Variants in C5orf63 observed in about 807,000 individuals in gnomAD.
The protein encoded by C5orf63 is glutaredoxin-like protein C5orf63.
In C5orf63, 18 loss-of-function variants were observed where a neutral mutation model predicts 13.3. The ratio of observed to expected loss-of-function variants is 1.36; its 90% CI spans 0.94 to 2.01. The LOEUF is 2.01. Ranked by LOEUF, C5orf63 falls within the 30% of genes most tolerant of loss-of-function variation. The pLI is 0.00. For synonymous variants in C5orf63, 38 were observed against 44.7 expected, an observed-to-expected ratio of 0.85 and a Z score of 0.60; for missense variants, 118 against 127.7, an observed-to-expected ratio of 0.92 and a Z score of 0.36.
At chr5:127,059,415 T>C (rs1183106412) in intron 2 of C5orf63, among the ~76,000 whole-genome samples, 2 of 152,100 alleles carry the variant, frequency 1.3e-5, no homozygotes, top group Non-Finnish European at 2.9e-5. Context: ...CAACAATACC[T>C]AGCCACTGCC....
At chr5:127,047,530 G>A, downstream of C5orf63, 1 of 575,746 alleles carries the variant, frequency 1.7e-6, no homozygotes, top group Non-Finnish European at 3.1e-6. Flanking sequence ...TCTGAAATAA[G>A]AATTGATGAG....
At chr5:127,065,303 A>G (rs1754285898) in intron 2 of C5orf63, among the ~76,000 whole-genome samples, 2 of 152,218 alleles carry the variant, frequency 1.3e-5, no homozygotes, top group Admixed American at 6.5e-5. Flanking sequence ...TAAGACATGT[A>G]TATGAGCAGG....
At chr5:127,058,076 G>T (rs1042140274) in intron 3 of C5orf63, among the ~76,000 whole-genome samples, 1 of 152,024 alleles carries the variant, frequency 6.6e-6, no homozygotes, top group East Asian at 1.9e-4. Flanking sequence ...TTAGGTTCGG[G>T]GGTACATGTG....
downstream of C5orf63, chr5:127,047,959 T>C (rs1333982973): frequency 9.3e-6 from 6 of 642,764 alleles, 1 homozygote; most frequent in East Asian, 1.6e-4. Context: ...AATGTTCTTA[T>C]TTCAGTGGTG....
downstream of C5orf63, chr5:127,047,870 A>T (rs1238610823): frequency 5.7e-6 from 4 of 703,288 alleles, no homozygotes; most frequent in Admixed American, 8.0e-5. Context: ...GAGGAAGGGG[A>T]GCGTCTTCTC....
chr5:127,062,926 T>C (rs1189585604), intron 2 of C5orf63, among the ~76,000 whole-genome samples: 8 of 152,148 alleles, frequency 5.3e-5, no homozygotes, highest in Non-Finnish European at 2.9e-5. Context: ...CATATTTTGT[T>C]ATATGCCTCT....
intron 3 of C5orf63, among the ~76,000 whole-genome samples, chr5:127,053,269 G>C (rs150266777): frequency 6.6e-6 from 1 of 152,252 alleles, no homozygotes; most frequent in African/African-American, 2.4e-5. Flanking sequence ...TCCACCTGAA[G>C]AGCAAACAAC....
At chr5:127,052,882 G>C (rs1320999082) in intron 3 of C5orf63, among the ~76,000 whole-genome samples, 2 of 151,954 alleles carry the variant, frequency 1.3e-5, no homozygotes, top group Non-Finnish European at 2.9e-5. Flanking sequence ...GCATTTTTTT[G>C]GTTGTTTTGT....
At chr5:127,054,408 C>A (rs947879686) in intron 3 of C5orf63, among the ~76,000 whole-genome samples, 56 of 152,174 alleles carry the variant, frequency 3.7e-4, no homozygotes, top group African/African-American at 1.2e-3. Flanking sequence ...TTGTTTCCTG[C>A]CTTTTTAATG....
chr5:127,050,379 CT>C (rs1183157202), downstream of C5orf63, among the ~76,000 whole-genome samples: 1 of 151,824 alleles, frequency 6.6e-6, no homozygotes, highest in Non-Finnish European at 1.5e-5. Context: ...CACAGTCTCA[CT>C]ATGTTGCTCA....
At chr5:127,058,291 A>G (rs1180680456) in intron 3 of C5orf63, among the ~76,000 whole-genome samples, 1 of 152,180 alleles carries the variant, frequency 6.6e-6, no homozygotes, top group Non-Finnish European at 1.5e-5. Flanking sequence ...AACATGCAGT[A>G]TTTGATTTTC....
intron 3 of C5orf63, among the ~76,000 whole-genome samples, chr5:127,054,806 T>C (rs905544749): frequency 6.6e-6 from 1 of 152,252 alleles, no homozygotes; most frequent in Non-Finnish European, 1.5e-5. Context: ...CATGAAGTCC[T>C]TGCCCATGCC....
intron 3 of C5orf63, among the ~76,000 whole-genome samples, chr5:127,055,091 T>A (rs1457499526): frequency 2.6e-5 from 4 of 152,212 alleles, no homozygotes; most frequent in Admixed American, 6.6e-5. Flanking sequence ...GTTCCATTTG[T>A]CTATATCTCT....
In C5orf63 at chr5:127,054,652, G is replaced by A. The variant is rs555328677; in HGVS notation, c.115-1983C>T. On this transcript the variant is annotated intron_variant, in intron 3 of 4. Transcript: ENST00000296662. ...TGGATATTAGCCCTTTGTCAGCTGG[G>A]TAGATTGCAAAAATTTTCTCCAATT... 2.0e-5 allele frequency among the ~76,000 whole-genome samples: 3 copies of A among 152,264 alleles called. No individual in the cohort carries two copies. The East Asian group carries it at 5.8e-4, about 29-fold the overall frequency.
At position 127,058,969 on chromosome 5, in the gene C5orf63, C is replaced by T; in HGVS notation, c.27G>A (p.Met9Ile). MLWFQGNS[M>I]QLARSSFGLF... The stretch of plus-strand genomic sequence containing the variant: ...GTCCAAAGGAGGATCTGGCAAGTTG[C>T]ATGCTATTTCCTTGAAACCAGAGCA... The change falls in exon 3 of 5, where the codon ATG becomes ATA. Residue 9 changes from methionine (M) to isoleucine (I), a missense_variant. Physicochemically the swap from Met to Ile is conservative, Grantham distance 10 (BLOSUM62 1). Coordinates refer to ENST00000296662, the MANE Select transcript of C5orf63 (RefSeq NM_001164478.2). 1 of 1,537,032 alleles carries T rather than the reference C, an allele frequency of 6.5e-7. No homozygotes were observed. Among genetic ancestry groups the T allele is most frequent in the Non-Finnish European group, 8.7e-7 (1 of 1,146,588 alleles).
intron 2 of C5orf63, among the ~76,000 whole-genome samples, chr5:127,070,255 AT>A (rs1342976418): frequency 1.3e-5 from 2 of 152,164 alleles, no homozygotes; most frequent in Non-Finnish European, 2.9e-5. Flanking sequence ...TAATAGAATC[AT>A]TTTTCTTCAC....
Position 127,051,415 on chromosome 5 carries a change from C to T in C5orf63, c.*356G>A, listed in dbSNP as rs750905658. ...TCTTTCATTAAAAAGTTAAGCCCTC[C>T]GGGGCAGCAGCAGGAATGCAGAACC... On this transcript the variant is annotated 3_prime_UTR_variant, in exon 5 of 5. Transcript: ENST00000296662. The T allele has an allele frequency of 4.4e-5, 54 of 1,232,784 alleles. No homozygotes were observed. Among genetic ancestry groups the T allele is most frequent in the African/African-American group, 9.3e-5 (6 of 64,380 alleles). The allele number at this position is 1,232,784 out of a possible 1,614,324, so 76.4% of individuals were successfully genotyped here.
downstream of C5orf63, chr5:127,047,527 T>C (rs1753544579): frequency 3.5e-6 from 2 of 571,916 alleles, no homozygotes; most frequent in Admixed American, 3.2e-5. Flanking sequence ...CTCTCTGAAA[T>C]AAGAATTGAT....
At chr5:127,068,607 C>T (rs1161670777) in intron 2 of C5orf63, among the ~76,000 whole-genome samples, 1 of 152,130 alleles carries the variant, frequency 6.6e-6, no homozygotes, top group Non-Finnish European at 1.5e-5. Context: ...ATTCTCTTTC[C>T]CATCCAGAAA....
Sources: gnomAD v4.1 joint callset for allele counts (sites outside exome capture counted in the v4.1 genomes callset) on GRCh38, gnomAD v4.1.1 for gene constraint, MANE v1.5 for transcripts, NCBI Gene and HGNC (gene_info 2026-07-23, HGNC 2026-07-21) for gene names.